MOSMO: variants seen among roughly 807,000 people sequenced by gnomAD.
MOSMO encodes the protein modulator of smoothened protein.
MOSMO carries 5 observed loss-of-function variants against 18.4 expected under a neutral mutation model. The ratio of observed to expected loss-of-function variants is 0.27; its 90% confidence interval spans 0.14 to 0.57. The LOEUF (loss-of-function observed/expected upper bound fraction) is 0.57, where lower values mean the gene tolerates loss of function less well. Among genes scored for constraint, MOSMO ranks in the 20% least tolerant of loss-of-function variants. MOSMO has a pLI of 0.92. For missense variants in MOSMO, 138 were observed against 211.8 expected (o/e 0.65, Z 2.16); for synonymous variants, 82 against 82.3 (o/e 1.00, Z 0.02).
intron 1 of MOSMO, among the ~76,000 whole-genome samples, chr16:22,062,178 TTTC>T (rs548541122): frequency 4.1e-4 from 63 of 152,266 alleles, no homozygotes; most frequent in African/African-American, 1.4e-3. Flanking sequence ...ATTCATGATT[TTTC>T]TTCTAAGTCT....
intron 1 of MOSMO, among the ~76,000 whole-genome samples, chr16:22,038,320 A>G (rs1900147235): frequency 1.3e-5 from 2 of 152,200 alleles, no homozygotes; most frequent in African/African-American, 2.4e-5. Flanking sequence ...GGAGAGTAAG[A>G]CAACAGTGAA....
intron 1 of MOSMO, among the ~76,000 whole-genome samples, chr16:22,032,157 A>AT (rs1437535241): frequency 6.7e-6 from 1 of 149,030 alleles, no homozygotes; most frequent in African/African-American, 2.5e-5. Flanking sequence ...TCTTCTTTGG[A>AT]TAAAAGTCTA....
chr16:22,044,100 C>A (rs58061499), intron 1 of MOSMO, among the ~76,000 whole-genome samples: 4,601 of 152,134 alleles, frequency 0.03, 238 homozygotes, highest in African/African-American at 0.1. Context: ...ACCCCCCGCC[C>A]CCATGATTCA....
chr16:22,036,732 G>T (rs915591181), intron 1 of MOSMO, among the ~76,000 whole-genome samples: 19 of 152,162 alleles, frequency 1.2e-4, no homozygotes, highest in Non-Finnish European at 2.2e-4. Context: ...AATTACAGGT[G>T]TAATTCTATA....
At chr16:22,073,894 T>C (rs1900910436) in intron 1 of MOSMO, among the ~76,000 whole-genome samples, 1 of 151,958 alleles carries the variant, frequency 6.6e-6, no homozygotes, top group African/African-American at 2.4e-5. Flanking sequence ...ACCAGATGGG[T>C]ATAGTTATTA....
chr16:22,057,389 G>A (rs1299853760), intron 1 of MOSMO, among the ~76,000 whole-genome samples: 1 of 152,172 alleles, frequency 6.6e-6, no homozygotes, highest in African/African-American at 2.4e-5. Flanking sequence ...CTCTTTTTAT[G>A]GCAGCATGAA....
intron 1 of MOSMO, among the ~76,000 whole-genome samples, chr16:22,022,291 G>T (rs1219734193): frequency 1.3e-5 from 2 of 151,900 alleles, no homozygotes; most frequent in Non-Finnish European, 2.9e-5. Flanking sequence ...CCAAAGTGCT[G>T]GGATTACAGG....
At chr16:22,008,547 C>A in intron 1 of MOSMO, 140 bp downstream of exon 1, 2 of 573,440 alleles carry the variant, frequency 3.5e-6, no homozygotes, top group South Asian at 4.3e-5. Context: ...GAGGGGAGAC[C>A]CGGGCCGCGG....
Position 22,024,859 on chromosome 16 carries a change from C to CTGT in MOSMO, c.106+16454_106+16456dup, listed in dbSNP as rs1370658429. Among the ~76,000 whole-genome samples the CTGT allele has an allele frequency of 2.0e-5, 3 of 152,200 alleles. No individual in the cohort carries two copies. The East Asian group carries it at 5.8e-4, about 29-fold the overall frequency. ...TGTAGAGCCTAGGTTCAAATTCTACCTGTTCTGTCTGGACATGACGGTTCA... is the reference window on the plus strand; with the variant it reads ...TGTAGAGCCTAGGTTCAAATTCTACCTGTTGTTCTGTCTGGACATGACGGTTCA... On this transcript the variant is annotated intron_variant, in intron 1 of 2. Coordinates refer to ENST00000542527, the MANE Select transcript of MOSMO (RefSeq NM_001164579.2).
At position 22,080,993 on chromosome 16, in the gene MOSMO, T is replaced by C. The variant is rs1901067793; in HGVS notation, c.*113T>C. On this transcript the variant is annotated 3_prime_UTR_variant, in exon 3 of 3. Coordinates refer to ENST00000542527, the MANE Select transcript of MOSMO (RefSeq NM_001164579.2). ...TCTGAGCAGGCCTCTCATGGGAAGA[T>C]GCTCAGATGAAACTGATGCTGAGAA... 4.6e-6 allele frequency: 2 copies of C among 434,390 alleles called. No homozygotes were observed. The highest frequency in any genetic ancestry group is 3.7e-5 in the East Asian group (1 of 27,244). 26.9% of individuals were successfully genotyped at this position (434,390 alleles called of 1,614,324 possible). A position where few individuals can be genotyped will look rare whatever the true frequency, so the allele number is the denominator to read the frequency against.
At chr16:22,022,348 A>G (rs1039836960) in intron 1 of MOSMO, among the ~76,000 whole-genome samples, 2 of 152,130 alleles carry the variant, frequency 1.3e-5, no homozygotes, top group African/African-American at 4.8e-5. Context: ...CACGATGTAC[A>G]TTCTAACCAT....
intron 1 of MOSMO, among the ~76,000 whole-genome samples, chr16:22,008,982 C>T (rs979853410): frequency 5.3e-5 from 8 of 151,964 alleles, no homozygotes; most frequent in Non-Finnish European, 1.0e-4. Flanking sequence ...GGGCGCTGAC[C>T]CCACCAGGCA....
intron 1 of MOSMO, among the ~76,000 whole-genome samples, chr16:22,027,739 G>T (rs1899905143): frequency 6.6e-6 from 1 of 152,120 alleles, no homozygotes; most frequent in Non-Finnish European, 1.5e-5. Context: ...ATTCTGTTTG[G>T]GAAGTGAGAA....
chr16:22,089,052 TC>T (rs1365037330), downstream of MOSMO, among the ~76,000 whole-genome samples: 3 of 152,074 alleles, frequency 2.0e-5, no homozygotes, highest in Non-Finnish European at 4.4e-5. Context: ...GTTGTTTGTG[TC>T]AAATCTTCCA....
At chr16:22,037,754 G>C (rs1900135816) in intron 1 of MOSMO, among the ~76,000 whole-genome samples, 1 of 152,166 alleles carries the variant, frequency 6.6e-6, no homozygotes, top group Admixed American at 6.5e-5. Context: ...AAAGAATACA[G>C]ATGAAGAGAT....
intron 1 of MOSMO, among the ~76,000 whole-genome samples, chr16:22,055,598 A>G (rs1900516977): frequency 6.6e-6 from 1 of 152,204 alleles, no homozygotes; most frequent in African/African-American, 2.4e-5. Flanking sequence ...AAGTGACACC[A>G]TGCAGTACTC....
At chr16:22,049,559 T>C (rs1229473336) in intron 1 of MOSMO, among the ~76,000 whole-genome samples, 2 of 152,214 alleles carry the variant, frequency 1.3e-5, no homozygotes, top group East Asian at 3.8e-4. Flanking sequence ...AGGTTTCTTG[T>C]TGATTTGAAA....
At chr16:22,055,401 G>A (rs1900512785) in intron 1 of MOSMO, among the ~76,000 whole-genome samples, 1 of 152,140 alleles carries the variant, frequency 6.6e-6, no homozygotes, top group South Asian at 2.1e-4. Context: ...ATGACAGGAC[G>A]CTGAAATGAA....
At chr16:22,063,145 C>T (rs935764813) in intron 1 of MOSMO, among the ~76,000 whole-genome samples, 4 of 152,150 alleles carry the variant, frequency 2.6e-5, no homozygotes, top group African/African-American at 4.8e-5. Flanking sequence ...TGAGCCACCG[C>T]GCCTTTTTTG....
Sources: gnomAD v4.1 joint callset for allele counts (sites outside exome capture counted in the v4.1 genomes callset) on GRCh38, gnomAD v4.1.1 for gene constraint, MANE v1.5 for transcripts, NCBI Gene and HGNC (gene_info 2026-07-23, HGNC 2026-07-21) for gene names.